R3HDM2: variants seen among roughly 807,000 people sequenced by gnomAD.
The protein encoded by R3HDM2 is R3H domain-containing protein 2.
R3HDM2 carries 38 observed loss-of-function variants against 124.5 expected under a neutral mutation model. That is an observed-to-expected ratio of 0.31 (90% confidence interval 0.24 to 0.40). The LOEUF is 0.40. R3HDM2 is among the 10% of genes least tolerant of loss of function. The pLI, the probability that R3HDM2 is intolerant of heterozygous loss-of-function variation, is 1.00. For synonymous variants in R3HDM2, 391 were observed against 448.0 expected (o/e 0.87, Z 1.61); for missense variants, 869 against 1,236.9 (o/e 0.70, Z 4.46).
At chr12:57,360,711 G>GA (rs557686552) in intron 2 of R3HDM2, among the ~76,000 whole-genome samples, 3 of 150,768 alleles carry the variant, frequency 2.0e-5, no homozygotes, top group Non-Finnish European at 4.4e-5. Flanking sequence ...AGGAAAGGAA[G>GA]AAAAAAAATA....
At chr12:57,331,645 T>G (rs1375978414) in intron 2 of R3HDM2, among the ~76,000 whole-genome samples, 3 of 152,212 alleles carry the variant, frequency 2.0e-5, no homozygotes, top group East Asian at 3.9e-4. Context: ...AATTTTTTTA[T>G]GGCTCACGCC....
Position 57,354,038 on chromosome 12 carries a change from G to C in R3HDM2, c.-36+41711C>G, listed in dbSNP as rs139943271. On this transcript the variant is annotated intron_variant, in intron 2 of 23. Transcript: ENST00000402412. ...CCAGCTAATTTTTGTATTTTTAGTA[G>C]AGACAGGGTTTCACCATGTTGGCCA... Among the ~76,000 whole-genome samples, 16 of 152,050 alleles carry C rather than the reference G, an allele frequency of 1.1e-4. No homozygotes were observed. In the East Asian group the frequency reaches 3.1e-3, roughly 29 times the overall value.
intron 3 of R3HDM2, among the ~76,000 whole-genome samples, chr12:57,303,580 C>CAA (rs200796987): frequency 4.2e-5 from 4 of 94,662 alleles, no homozygotes; most frequent in African/African-American, 7.8e-5. Context: ...CCCATCTCTA[C>CAA]AAAAAAAAAA....
intron 1 of R3HDM2, among the ~76,000 whole-genome samples, chr12:57,409,493 C>G (rs1393660079): frequency 7.3e-6 from 1 of 137,448 alleles, no homozygotes; most frequent in Non-Finnish European, 1.6e-5. Flanking sequence ...TTAATAAAAA[C>G]TAGAGCTGAG....
At chr12:57,394,212 G>A (rs755527136) in intron 2 of R3HDM2, among the ~76,000 whole-genome samples, 2 of 151,814 alleles carry the variant, frequency 1.3e-5, no homozygotes, top group African/African-American at 2.4e-5. Flanking sequence ...TGTAAGAATC[G>A]CTTGAATCTG....
chr12:57,344,636 G>A (rs528035064), intron 2 of R3HDM2, among the ~76,000 whole-genome samples: 33 of 152,160 alleles, frequency 2.2e-4, no homozygotes, highest in African/African-American at 7.7e-4. Context: ...AGGATATAAA[G>A]AAGAATCAAA....
chr12:57,322,236 C>A (rs1051093615), intron 2 of R3HDM2, among the ~76,000 whole-genome samples: 1 of 152,082 alleles, frequency 6.6e-6, no homozygotes, highest in African/African-American at 2.4e-5. Context: ...AACAAACAAA[C>A]CTCATTAACA....
At chr12:57,341,513 G>A (rs2136975676) in intron 2 of R3HDM2, 1 of 632,466 alleles carries the variant, frequency 1.6e-6, no homozygotes, top group Admixed American at 6.3e-5. Context: ...TAGAAGCCAA[G>A]GCCAGCAAAT....
intron 1 of R3HDM2, among the ~76,000 whole-genome samples, chr12:57,428,053 G>A (rs1275170377): frequency 6.6e-6 from 1 of 151,878 alleles, no homozygotes; most frequent in Non-Finnish European, 1.5e-5. Flanking sequence ...CCAGGAGGTA[G>A]AGGTTGCAGT....
At chr12:57,364,435 C>T (rs1442658143) in intron 2 of R3HDM2, among the ~76,000 whole-genome samples, 2 of 151,992 alleles carry the variant, frequency 1.3e-5, no homozygotes, top group Non-Finnish European at 2.9e-5. Flanking sequence ...TAGGTGTGAG[C>T]CACCACGCCT....
Position 57,295,412 on chromosome 12 carries a change from C to T in R3HDM2, c.797G>A (p.Arg266Gln), listed in dbSNP as rs1345878581. Reference sequence around the variant, plus strand: ...TCCATTCTTCACCTGGTTATCATCTCGGTCCATACTGGCATCATCTCTCTT... The same window carrying T: ...TCCATTCTTCACCTGGTTATCATCTTGGTCCATACTGGCATCATCTCTCTT... ...ILKRDDASMDRDDNQIRVPLQ... is the reference protein window; with the variant it reads ...ILKRDDASMDQDDNQIRVPLQ... The change falls in exon 10 of 24, where the codon CGA (arginine) becomes CAA (glutamine). Residue 266 changes from arginine (R) to glutamine (Q), a missense_variant. Arg to Gln is a conservative substitution (Grantham distance 43, BLOSUM62 1). Around this residue, in one of 2 missense-constraint regions of R3HDM2, gnomAD observed 267 missense variants for 447.7 expected, o/e 0.60. Transcript: ENST00000402412. The T allele has an allele frequency of 1.3e-6, 2 of 1,550,044 alleles. No individual in the cohort carries two copies. The highest frequency in any genetic ancestry group is 1.4e-5 in the African/African-American group (1 of 73,000).
chr12:57,330,956 C>T (rs2058108223), intron 2 of R3HDM2, among the ~76,000 whole-genome samples: 1 of 151,956 alleles, frequency 6.6e-6, no homozygotes, highest in South Asian at 2.1e-4. Flanking sequence ...CCTCGGCCTC[C>T]CAAAGTGCTG....
chr12:57,279,429 C>T (rs1289480665), intron 14 of R3HDM2, among the ~76,000 whole-genome samples: 1 of 150,260 alleles, frequency 6.7e-6, no homozygotes, highest in East Asian at 2.0e-4. Flanking sequence ...GTGATTCACC[C>T]GCCTCAGCCT....
intron 1 of R3HDM2, among the ~76,000 whole-genome samples, chr12:57,403,556 T>A (rs1298157208): frequency 6.6e-6 from 1 of 151,528 alleles, no homozygotes; most frequent in Non-Finnish European, 1.5e-5. Context: ...CACCTGTTAC[T>A]CCAGCACTTT....
intron 12 of R3HDM2, among the ~76,000 whole-genome samples, chr12:57,284,350 G>A (rs1008868101): frequency 8.5e-5 from 13 of 152,204 alleles, no homozygotes; most frequent in Non-Finnish European, 1.5e-4. Context: ...TGCTGAGATT[G>A]GCTGTGGTCT....
At chr12:57,303,518 C>T (rs1366832271) in intron 3 of R3HDM2, among the ~76,000 whole-genome samples, 3 of 150,624 alleles carry the variant, frequency 2.0e-5, no homozygotes, top group South Asian at 2.1e-4. Flanking sequence ...CCGAGGCAGG[C>T]GGATCCCTTG....
chr12:57,317,352 T>C (rs1309542560), intron 2 of R3HDM2, among the ~76,000 whole-genome samples: 1 of 151,754 alleles, frequency 6.6e-6, no homozygotes, highest in Non-Finnish European at 1.5e-5. Context: ...GAATGGCTAA[T>C]TTTTGTATTT....
chr12:57,395,397 G>A lies in R3HDM2; in HGVS notation c.-36+352C>T, dbSNP rs764013841. On this transcript the variant is annotated intron_variant, in intron 2 of 23. Coordinates refer to ENST00000402412, the MANE Select transcript of R3HDM2 (RefSeq NM_001394031.1). ...TGCATGCCTGTAATCCCAGCAACTC[G>A]GGAAGCTGAGGCGGGAGAATCGCTT... Among the ~76,000 whole-genome samples the A allele has an allele frequency of 3.9e-5, 6 of 151,924 alleles. No individual in the cohort carries two copies. The South Asian group carries it at 8.3e-4, about 21-fold the overall frequency.
chr12:57,320,277 A>C (rs1566135629), intron 2 of R3HDM2, among the ~76,000 whole-genome samples: 1 of 143,148 alleles, frequency 7.0e-6, no homozygotes, highest in African/African-American at 2.5e-5. Context: ...AAAAAAAAAA[A>C]AAAAAAAAAA....
Sources: gnomAD v4.1 joint callset for allele counts (sites outside exome capture counted in the v4.1 genomes callset) on GRCh38, gnomAD v4.1.1 for gene constraint, gnomAD v4.1.1 regional missense constraint, MANE v1.5 for transcripts, NCBI Gene and HGNC (gene_info 2026-07-23, HGNC 2026-07-21) for gene names.